The following DMD variants were observed in gnomAD, a reference collection of about 807,000 sequenced individuals.
DMD encodes dystrophin.
In DMD, 63 loss-of-function variants were observed where a neutral mutation model predicts 330.1. The ratio of observed to expected loss-of-function variants is 0.19; its 90% CI spans 0.16 to 0.24. The LOEUF is 0.24. DMD is among the 10% of genes least tolerant of loss of function. The probability of loss-of-function intolerance (pLI) is 1.00; values close to 1 mark genes in which losing one functional copy is unlikely to be tolerated. For synonymous variants in DMD, 1,223 were observed against 959.8 expected (o/e 1.27, Z -5.07); for missense variants, 3,344 against 2,684.1 (o/e 1.25, Z -5.43).
At chrX:31,578,002 T>A (rs1294980902) in intron 55 of DMD, among the ~76,000 whole-genome samples, 1 of 111,696 alleles carries the variant, frequency 9.0e-6, no homozygotes, top group Non-Finnish European at 1.9e-5. Flanking sequence ...TATATATTAA[T>A]ATTATAGCTT....
At chrX:31,193,687 C>T (rs1355227400) in intron 67 of DMD, among the ~76,000 whole-genome samples, 2 of 111,713 alleles carry the variant, frequency 1.8e-5, no homozygotes, top group African/African-American at 6.5e-5. Context: ...CTTGTAGACA[C>T]CACCTTAACA....
intron 1 of DMD, among the ~76,000 whole-genome samples, chrX:33,108,560 T>C (rs774978797): frequency 4.7e-4 from 50 of 107,429 alleles, no homozygotes; most frequent in Admixed American, 1.3e-3. Context: ...TCCACCGTGC[T>C]GGGCCCAGAA....
In DMD at chrX:32,893,384, T is replaced by C. The variant is rs142505610; in HGVS notation, c.94-43564A>G. ...CTTAAACATATTACTCATTCTCTCATGTCTTCCATTTCTTTCCTTAAAAAA... is the reference window on the plus strand; with the variant it reads ...CTTAAACATATTACTCATTCTCTCACGTCTTCCATTTCTTTCCTTAAAAAA... On this transcript the variant is annotated intron_variant, in intron 2 of 78. Transcript: ENST00000357033. Among the ~76,000 whole-genome samples, 8 of 112,061 alleles carry C rather than the reference T, an allele frequency of 7.1e-5. No homozygotes were observed. The East Asian group carries it at 2.0e-3, about 28-fold the overall frequency.
intron 41 of DMD, among the ~76,000 whole-genome samples, chrX:32,320,479 T>C (rs1353543797): frequency 1.8e-5 from 2 of 112,025 alleles, no homozygotes; most frequent in African/African-American, 6.5e-5. Context: ...AAGTTCTCAG[T>C]AGCCTCAATA....
At chrX:31,301,235 G>T (rs1021159067) in intron 62 of DMD, among the ~76,000 whole-genome samples, 1 of 111,672 alleles carries the variant, frequency 9.0e-6, no homozygotes, top group African/African-American at 3.3e-5. Context: ...GTTGCTGATT[G>T]GGGAAGGGTC....
chrX:31,377,248 T>C (rs749550657), intron 60 of DMD, among the ~76,000 whole-genome samples: 1 of 111,684 alleles, frequency 9.0e-6, no homozygotes, highest in Non-Finnish European at 1.9e-5. Context: ...TTACTGTGTA[T>C]ATTTCCAAAG....
intron 26 of DMD, among the ~76,000 whole-genome samples, chrX:32,454,232 A>C (rs958117481): frequency 9.0e-6 from 1 of 111,282 alleles, no homozygotes; most frequent in African/African-American, 3.2e-5. Flanking sequence ...ACGGGTTCAA[A>C]TATTTAGTGT....
intron 7 of DMD, among the ~76,000 whole-genome samples, chrX:32,704,146 T>C (rs1461101073): frequency 8.9e-6 from 1 of 111,754 alleles, no homozygotes; most frequent in African/African-American, 3.3e-5. Context: ...ATTTTTCGAA[T>C]AAAGAAGTTG....
chrX:32,384,547 A>G (rs2097945504), intron 33 of DMD, among the ~76,000 whole-genome samples: 1 of 111,199 alleles, frequency 9.0e-6, no homozygotes, highest in Non-Finnish European at 1.9e-5. Context: ...AATATTAATT[A>G]GAGGGTTTTT....
At chrX:33,181,870 G>C (rs2148745452) in intron 1 of DMD, among the ~76,000 whole-genome samples, 1 of 111,738 alleles carries the variant, frequency 8.9e-6, no homozygotes, top group East Asian at 2.8e-4. Flanking sequence ...TCCTGCTTTT[G>C]ACGGCCAACC....
intron 45 of DMD, among the ~76,000 whole-genome samples, chrX:31,965,683 C>T (rs1005341385): frequency 3.6e-5 from 4 of 111,462 alleles, no homozygotes; most frequent in Non-Finnish European, 7.6e-5. Context: ...CCCTTACAGC[C>T]GATGATAGGT....
At chrX:32,703,409 C>A (rs113397607) in intron 7 of DMD, among the ~76,000 whole-genome samples, 6,079 of 110,987 alleles carry the variant, frequency 0.055, 383 homozygotes, top group African/African-American at 0.19. Context: ...CAAAAACAAA[C>A]CTAGTTGTAG....
chrX:32,654,545 G>A lies in DMD; in HGVS notation c.961-9393C>T, dbSNP rs777059720. Reference sequence around the variant, plus strand: ...AGCTTTTTGATGTGCTGCTGGATTCGGATTGCCAGTATTTTATTGAGGATT... The same window carrying A: ...AGCTTTTTGATGTGCTGCTGGATTCAGATTGCCAGTATTTTATTGAGGATT... On this transcript the variant is annotated intron_variant, in intron 9 of 78. Coordinates refer to ENST00000357033, the MANE Select transcript of DMD (RefSeq NM_004006.3). Among the ~76,000 whole-genome samples the A allele has an allele frequency of 9.4e-3, 1,049 of 111,428 alleles. 7 individuals carry two copies. The highest frequency in any genetic ancestry group is 0.032 in the Middle Eastern group (7 of 216).
chrX:31,947,090 C>A (rs2095097709), intron 45 of DMD, among the ~76,000 whole-genome samples: 1 of 111,340 alleles, frequency 9.0e-6, no homozygotes, highest in Non-Finnish European at 1.9e-5. Flanking sequence ...GTAGCTAAAC[C>A]TTAAATACAG....
At chrX:32,310,975 G>A (rs907140832) in intron 41 of DMD, among the ~76,000 whole-genome samples, 7 of 110,870 alleles carry the variant, frequency 6.3e-5, no homozygotes, top group Non-Finnish European at 1.1e-4. Context: ...ACACTTTTCT[G>A]ACTGGGATCC....
chrX:31,922,495 G>GGTGTGTGTGTGT (rs765621749), intron 47 of DMD, among the ~76,000 whole-genome samples: 2,636 of 97,454 alleles, frequency 0.027, 51 homozygotes, highest in African/African-American at 0.059. Flanking sequence ...ACTTGAGACT[G>GGTGTGTGTGTGT]GTGTGTGTGT....
intron 56 of DMD, among the ~76,000 whole-genome samples, chrX:31,503,448 T>A (rs1027687359): frequency 8.9e-6 from 1 of 112,141 alleles, no homozygotes; most frequent in African/African-American, 3.2e-5. Flanking sequence ...GGAAACTGGG[T>A]TGCCCAGCTG....
intron 1 of DMD, among the ~76,000 whole-genome samples, chrX:33,106,714 C>T (rs2095290798): frequency 8.9e-6 from 1 of 111,809 alleles, no homozygotes; most frequent in Non-Finnish European, 1.9e-5. Context: ...AATGTGATTT[C>T]ACCTATTTTC....
intron 2 of DMD, among the ~76,000 whole-genome samples, chrX:32,868,512 G>A (rs926927): frequency 0.38 from 42,106 of 111,147 alleles, 6,893 homozygotes; most frequent in African/African-American, 0.64. Flanking sequence ...AGCTCCTGTA[G>A]GGAGGGCAGC....
Sources: allele counts gnomAD v4.1 joint callset (sites outside exome capture counted in the v4.1 genomes callset), GRCh38; gene constraint gnomAD v4.1.1; transcripts MANE v1.5; gene names NCBI Gene and HGNC (gene_info 2026-07-23, HGNC 2026-07-21).